Variants in GTF3C1 observed in about 807,000 individuals in gnomAD.
The protein encoded by GTF3C1 is general transcription factor 3C polypeptide 1.
In GTF3C1, 57 loss-of-function variants were observed where a neutral mutation model predicts 226.7. That is an observed-to-expected ratio of 0.25 (90% CI 0.20 to 0.31). The LOEUF is 0.31. Among genes scored for constraint, GTF3C1 ranks in the 10% least tolerant of loss-of-function variants. The pLI is 1.00. For synonymous variants in GTF3C1, 1,090 were observed against 1,084.8 expected, an observed-to-expected ratio of 1.00 and a Z score of -0.09; for missense variants, 2,217 against 2,776.1, an observed-to-expected ratio of 0.80 and a Z score of 4.53.
At chr16:27,546,711 CAT>C (rs2089169911) in intron 1 of GTF3C1, among the ~76,000 whole-genome samples, 2 of 151,934 alleles carry the variant, frequency 1.3e-5, no homozygotes, top group Admixed American at 6.6e-5. Flanking sequence ...ATCCTATGTA[CAT>C]GTTTCAGCCC....
chr16:27,493,841 C>A (rs2088269749), intron 16 of GTF3C1, among the ~76,000 whole-genome samples: 1 of 151,980 alleles, frequency 6.6e-6, no homozygotes, highest in African/African-American at 2.4e-5. Flanking sequence ...TACTTAATAT[C>A]AAGTCTAAAA....
intron 2 of GTF3C1, among the ~76,000 whole-genome samples, chr16:27,539,643 G>A (rs959811671): frequency 1.3e-4 from 20 of 152,220 alleles, no homozygotes; most frequent in African/African-American, 4.6e-4. Context: ...AAGTTTGAAT[G>A]TGTCCCCTGA....
intron 6 of GTF3C1, among the ~76,000 whole-genome samples, chr16:27,516,414 C>T (rs1187461460): frequency 6.6e-6 from 1 of 152,240 alleles, no homozygotes; most frequent in African/African-American, 2.4e-5. Context: ...GCTGTGCTTC[C>T]AGGCCTGGAG....
Position 27,510,852 on chromosome 16 carries a change from C to T in GTF3C1, c.1126+897G>A, listed in dbSNP as rs537245023. On this transcript the variant is annotated intron_variant, in intron 7 of 36. Transcript: ENST00000356183. Reference sequence around the variant, plus strand: ...TTCTTTGCCCATTCATCATAAATTCCGGGCCTGTGGTAACTCCAGACCAAT... The same window carrying T: ...TTCTTTGCCCATTCATCATAAATTCTGGGCCTGTGGTAACTCCAGACCAAT... Among the ~76,000 whole-genome samples the T allele has an allele frequency of 7.2e-5, 11 of 152,300 alleles. 1 individual carries two copies. In the East Asian group the frequency reaches 7.7e-4, roughly 11 times the overall value.
chr16:27,543,678 T>C (rs2089122076), intron 2 of GTF3C1, among the ~76,000 whole-genome samples: 1 of 152,154 alleles, frequency 6.6e-6, no homozygotes, highest in South Asian at 2.1e-4. Context: ...GATTACTGCT[T>C]AGCCCACCAG....
Position 27,465,341 on chromosome 16 carries a change from G to A in GTF3C1, c.5274C>T (p.Asp1758=). 6.2e-7 allele frequency: 1 copy of A among 1,614,060 alleles called. No homozygotes were observed. The highest frequency in any genetic ancestry group is 1.1e-5 in the South Asian group (1 of 91,082). ...AGAACCGTCTGCGCAGCTCCTCCTTGTCAATCCCAAAACAACCCGTGGCTA... is the reference window on the plus strand; with the variant it reads ...AGAACCGTCTGCGCAGCTCCTCCTTATCAATCCCAAAACAACCCGTGGCTA... ...AIIATGCFGI[D]KEELRRRFSA... Residue 1758 remains aspartate, a synonymous_variant, in exon 33 of 37, where the codon GAC becomes GAT. Transcript: ENST00000356183.
intron 6 of GTF3C1, among the ~76,000 whole-genome samples, chr16:27,522,113 T>C (rs1010888783): frequency 6.6e-6 from 1 of 152,260 alleles, no homozygotes; most frequent in Non-Finnish European, 1.5e-5. Context: ...TTTTAATAGC[T>C]TTATTGAGAT....
intron 9 of GTF3C1, 102 bp from the exon 10 acceptor site, chr16:27,506,218 A>C (rs2088482498): frequency 1.5e-6 from 1 of 651,558 alleles, no homozygotes; most frequent in Non-Finnish European, 2.7e-6. Context: ...GATTCTGCTG[A>C]GAGTCAGTTG....
In GTF3C1 at chr16:27,502,923, G is replaced by A. The variant is rs753180740; in HGVS notation, c.1843C>T (p.Leu615=). The A allele has an allele frequency of 6.8e-6, 11 of 1,613,454 alleles. No individual in the cohort carries two copies. The highest frequency in any genetic ancestry group is 9.3e-6 in the Non-Finnish European group (11 of 1,179,688). Reference sequence around the variant, plus strand: ...TCTATGATCAGATTCCTGCGTTTCAGCAGTCGGTAAGTTTCGTGTGGTTTG... The same window carrying A: ...TCTATGATCAGATTCCTGCGTTTCAACAGTCGGTAAGTTTCGTGTGGTTTG... The part of the protein sequence containing the change: ...QDKPHETYRL[L]KRRNLIIEAV... Residue 615 remains leucine, a synonymous_variant, in exon 11 of 37, where the codon CTG becomes TTG. Coordinates refer to ENST00000356183, the MANE Select transcript of GTF3C1 (RefSeq NM_001520.4).
At chr16:27,546,077 A>T (rs1179857121) in intron 1 of GTF3C1, among the ~76,000 whole-genome samples, 3 of 151,916 alleles carry the variant, frequency 2.0e-5, no homozygotes, top group Non-Finnish European at 2.9e-5. Context: ...CGAACTCCTG[A>T]CCTCGGTGAT....
At chr16:27,510,094 T>C (rs232078) in intron 7 of GTF3C1, among the ~76,000 whole-genome samples, 16,974 of 151,676 alleles carry the variant, frequency 0.11, 1,218 homozygotes, top group Middle Eastern at 0.21. Context: ...ACTAAAGAAA[T>C]AGAAAATTAG....
At position 27,488,394 on chromosome 16, in the gene GTF3C1, C is replaced by G; in HGVS notation, c.3533G>C (p.Trp1178Ser). 1 of 1,612,988 alleles carries G rather than the reference C, an allele frequency of 6.2e-7. No homozygotes were observed. Among genetic ancestry groups the G allele is most frequent in the Non-Finnish European group, 8.5e-7 (1 of 1,178,994 alleles). ...CTCGGAGCCTACTCTTGCTTCCCCC[C>G]AAATATTCAACCTGCTGTTGCCTAG... ...SARGNSRLNI[W>S]GEARVGSELC... Residue 1178 changes from tryptophan (W) to serine (S), a missense_variant, in exon 23 of 37, where the codon TGG becomes TCG. Trp to Ser is a radical substitution (Grantham distance 177). Coordinates refer to ENST00000356183, the MANE Select transcript of GTF3C1 (RefSeq NM_001520.4).
intron 6 of GTF3C1, among the ~76,000 whole-genome samples, chr16:27,517,047 G>A (rs147783071): frequency 1.2e-4 from 19 of 152,320 alleles, no homozygotes; most frequent in Non-Finnish European, 2.5e-4. Context: ...TGTGTCGGGT[G>A]GGCCTGGACA....
intron 26 of GTF3C1, among the ~76,000 whole-genome samples, chr16:27,481,968 G>A (rs2088055801): frequency 6.6e-6 from 1 of 152,190 alleles, no homozygotes; most frequent in Admixed American, 6.5e-5. Flanking sequence ...TGGGGAGGGA[G>A]GATGCCCAGT....
Position 27,471,584 on chromosome 16 carries a change from G to C in GTF3C1, c.4526+164C>G. The C allele has an allele frequency of 1.6e-6, 1 of 607,922 alleles. No homozygotes were observed. The highest frequency in any genetic ancestry group is 2.9e-6 in the Non-Finnish European group (1 of 340,274). 37.7% of individuals were successfully genotyped at this position (607,922 alleles called of 1,614,324 possible). A position where few individuals can be genotyped will look rare whatever the true frequency, so the allele number is the denominator to read the frequency against. On this transcript the variant is annotated intron_variant, in intron 30 of 36. Coordinates refer to ENST00000356183, the MANE Select transcript of GTF3C1 (RefSeq NM_001520.4). The surrounding 1 kb of genome is among the most constrained non-coding windows in gnomAD (Gnocchi z 5.0). ...GCTCACCTGATCCCCATACCACGAA[G>C]GAGGTAAGGGGCTGCAGGAAACCCA...
intron 7 of GTF3C1, among the ~76,000 whole-genome samples, chr16:27,511,083 C>T (rs568246760): frequency 8.1e-4 from 123 of 152,344 alleles, no homozygotes; most frequent in Non-Finnish European, 1.3e-3. Flanking sequence ...ACCCAGATCA[C>T]TGGTCAGGTT....
Position 27,469,369 on chromosome 16 carries a change from C to T in GTF3C1, c.4996G>A (p.Asp1666Asn), listed in dbSNP as rs1236375622. The T allele has an allele frequency of 6.2e-7, 1 of 1,610,140 alleles. No individual in the cohort carries two copies. Among genetic ancestry groups the T allele is most frequent in the Non-Finnish European group, 8.5e-7 (1 of 1,178,196 alleles). The change falls in exon 32 of 37, where the codon GAC (aspartate) becomes AAC (asparagine). Residue 1666 changes from aspartate (D) to asparagine (N), a missense_variant. This residue lies in a region of GTF3C1 where 455 missense variants were observed against 441.9 expected (regional missense o/e 1.03). Coordinates refer to ENST00000356183, the MANE Select transcript of GTF3C1 (RefSeq NM_001520.4). The surrounding 1 kb of genome is among the most constrained non-coding windows in gnomAD (Gnocchi z 4.5). ...IVSTRNLNPN[D>N]SIVVNSCQMK... ...TGGCAGGAGTTGACCACAATGCTGT[C>T]GTTGGGGTTGAGGTTGCGGGTGCTG...
In GTF3C1 at chr16:27,462,371, G is replaced by C; in HGVS notation, c.6040C>G (p.Pro2014Ala). 2.5e-6 allele frequency: 4 copies of C among 1,599,104 alleles called. No individual in the cohort carries two copies. The South Asian group carries it at 3.4e-5, about 14-fold the overall frequency. The stretch of plus-strand genomic sequence containing the variant: ...AGCAGGGAGCTCTCGGGGATGCCAG[G>C]CCTGGTCATGATGTGGTACAGCATG... ...EAMLYHIMTR[P>A]GIPESSLLRH... Residue 2014 changes from proline to alanine, a missense_variant, in exon 36 of 37, where the codon CCT becomes GCT. Pro to Ala is a conservative substitution (Grantham distance 27, BLOSUM62 -1). Transcript: ENST00000356183. The surrounding 1 kb of genome is among the most constrained non-coding windows in gnomAD (Gnocchi z 4.5).
rs762480674 is a variant in GTF3C1 at position 27,495,415 on chromosome 16, G to A, written c.2428C>T (p.Leu810Phe). 2.4e-5 allele frequency: 38 copies of A among 1,613,898 alleles called. No homozygotes were observed. Among genetic ancestry groups the A allele is most frequent in the Non-Finnish European group, 3.1e-5 (37 of 1,179,894 alleles). ...TTGCTGGCAGGGTGCCCGTAGATGA[G>A]GTACCACAGAAACATGTGGACCACC... ...LRVVHMFLWY[L>F]IYGHPASNTV... The change falls in exon 15 of 37, where the codon CTC becomes TTC. Residue 810 changes from leucine (L) to phenylalanine (F), a missense_variant. By Grantham distance (22) the Leu-to-Phe change is conservative (BLOSUM62 0). This residue lies in a region of GTF3C1 where 353 missense variants were observed against 411.7 expected (regional missense o/e 0.86). Transcript: ENST00000356183.
Sources: gnomAD v4.1 joint callset for allele counts (sites outside exome capture counted in the v4.1 genomes callset) on GRCh38, gnomAD v4.1.1 for gene constraint, gnomAD v4.1.1 regional missense constraint, Gnocchi (gnomAD v3.1) non-coding constraint, MANE v1.5 for transcripts, NCBI Gene and HGNC (gene_info 2026-07-23, HGNC 2026-07-21) for gene names.